Variants in CAPN2 observed in about 807,000 individuals in gnomAD.
The protein encoded by CAPN2 is calpain 2, also known as calpain-2 catalytic subunit.
Under a neutral mutation model 102.3 loss-of-function variants are expected in CAPN2, and 92 were observed. The observed-to-expected ratio is 0.90, with a 90% CI of 0.76 to 1.07. The LOEUF (loss-of-function observed/expected upper bound fraction) is 1.07. CAPN2 is among the 50% of genes least tolerant of loss of function. The pLI is 0.00. For missense variants in CAPN2, 800 were observed against 909.4 expected, an observed-to-expected ratio of 0.88 and a Z score of 1.55; for synonymous variants, 340 against 355.4, an observed-to-expected ratio of 0.96 and a Z score of 0.49.
chr1:223,726,158 C>T lies in CAPN2; in HGVS notation c.307+8327C>T, dbSNP rs2102781659. The stretch of plus-strand genomic sequence containing the variant: ...CCTCAGGAAGTCAGGAAAATAGATA[C>T]TGTCTTTGGGCTTCCTCCAGGAGCT... On this transcript the variant is annotated intron_variant, in intron 2 of 20. Transcript: ENST00000295006. This position sits in a 1 kb window ranked among gnomAD's most constrained non-coding sequence, Gnocchi z 4.4. 6.6e-6 allele frequency among the ~76,000 whole-genome samples: 1 copy of T among 152,304 alleles called. No individual in the cohort carries two copies. Among genetic ancestry groups the T allele is most frequent in the Middle Eastern group, 3.4e-3 (1 of 294 alleles).
In CAPN2 at chr1:223,731,904, C is replaced by T. The variant is rs768151970; in HGVS notation, c.308-12196C>T. ...TGAAACGTGTGTGTGAGTGTGTCAC[C>T]GGTAAGCTGAGTTCTTTCCCTACTT... is the stretch of plus-strand genomic sequence containing the variant. On this transcript the variant is annotated intron_variant, in intron 2 of 20. Coordinates refer to ENST00000295006, the MANE Select transcript of CAPN2 (RefSeq NM_001748.5). This position sits in a 1 kb window ranked among gnomAD's most constrained non-coding sequence, Gnocchi z 4.2. 6.6e-6 allele frequency among the ~76,000 whole-genome samples: 1 copy of T among 152,286 alleles called. No individual in the cohort carries two copies. The highest frequency in any genetic ancestry group is 6.5e-5 in the Admixed American group (1 of 15,302).
In CAPN2 at chr1:223,744,350, T is replaced by C. The variant is rs528824153; in HGVS notation, c.426+132T>C. The stretch of plus-strand genomic sequence containing the variant: ...GACCAATACTGTTCTACAAAGGACA[T>C]TGGGCGAGAGCAGGAAGCTTCCTGG... On this transcript the variant is annotated intron_variant, in intron 3 of 20. Transcript: ENST00000295006. The C allele has an allele frequency of 2.6e-5, 17 of 666,536 alleles. 1 individual carries two copies. The South Asian group carries it at 2.7e-4, about 10-fold the overall frequency. The allele number at this position is 666,536 out of a possible 1,614,324, so 41.3% of individuals were successfully genotyped here.
rs929038266 is a variant in CAPN2, at chr1:223,759,543, T to C, written c.1529+62T>C. The C allele has an allele frequency of 1.6e-5, 23 of 1,446,912 alleles. No homozygotes were observed. Among genetic ancestry groups the C allele is most frequent in the Non-Finnish European group, 2.1e-5 (22 of 1,038,782 alleles). 89.6% of individuals were successfully genotyped at this position (1,446,912 alleles called of 1,614,324 possible). On this transcript the variant is annotated intron_variant, in intron 12 of 20. Transcript: ENST00000295006. This position sits in a 1 kb window ranked among gnomAD's most constrained non-coding sequence, Gnocchi z 4.6. ...CTGTCCCTCCCCACTGGTCTGTTCC[T>C]CGGCCCCTAGAGGGCTCTTTCATCC...
Position 223,712,884 on chromosome 1 carries a change from A to G in CAPN2, c.237+7A>G, listed in dbSNP as rs1385121335. 18 of 1,514,094 alleles carry G rather than the reference A, an allele frequency of 1.2e-5. No individual in the cohort carries two copies. Among genetic ancestry groups the G allele is most frequent in the Non-Finnish European group, 1.5e-5 (17 of 1,131,568 alleles). 93.8% of individuals were successfully genotyped at this position (1,514,094 alleles called of 1,614,324 possible). ...CGAGTGGAAGCGCCCCACGGTAGGA[A>G]GCGCGCGGCAGGACGCGGGCAGGGC... On this transcript the variant is annotated splice_region_variant and intron_variant, in intron 1 of 20. Transcript: ENST00000295006.
At chr1:223,761,755 G>A in intron 13 of CAPN2, 138 bp downstream of exon 13, 1 of 702,800 alleles carries the variant, frequency 1.4e-6, no homozygotes, top group Non-Finnish European at 2.4e-6. Flanking sequence ...GGGAATCCAA[G>A]AGTCGACTAC....
chr1:223,738,332 A>T (rs1239016468), intron 2 of CAPN2, among the ~76,000 whole-genome samples: 1 of 151,902 alleles, frequency 6.6e-6, no homozygotes, highest in African/African-American at 2.4e-5. Flanking sequence ...CTAATTTTTT[A>T]AAAATAATTT....
intron 5 of CAPN2, 66 bp from the exon 6 acceptor site, chr1:223,748,973 G>GGAGC: frequency 6.9e-7 from 1 of 1,439,128 alleles, no homozygotes; most frequent in Non-Finnish European, 9.8e-7. Context: ...TAGGACAGAG[G>GGAGC]GAGCGAGGGA....
intron 16 of CAPN2, 28 bp downstream of exon 16, chr1:223,766,459 G>C (rs749916979): frequency 1.3e-5 from 20 of 1,508,396 alleles, no homozygotes; most frequent in South Asian, 2.3e-5. Flanking sequence ...CCAGGGAATA[G>C]AGACTGGGGG....
intron 11 of CAPN2, chr1:223,758,323 G>C (rs1021800133): frequency 2.0e-5 from 3 of 152,224 alleles, no homozygotes; most frequent in Non-Finnish European, 4.4e-5. Flanking sequence ...GACACACGGG[G>C]CACTTTGACC....
chr1:223,721,904 A>G (rs1414530005), intron 2 of CAPN2, among the ~76,000 whole-genome samples: 1 of 152,238 alleles, frequency 6.6e-6, no homozygotes. Context: ...TTGGCACACT[A>G]TAGAATCCCA....
chr1:223,770,426 C>G lies in CAPN2; in HGVS notation c.1825-21C>G, dbSNP rs372144852. On this transcript the variant is annotated intron_variant, in intron 17 of 20. Transcript: ENST00000295006. ...GCTTTGCTTTGGGTCATAGTTCTTACAGCTAACTTATGTGTTCCAGAAAAT... is the reference window on the plus strand; with the variant it reads ...GCTTTGCTTTGGGTCATAGTTCTTAGAGCTAACTTATGTGTTCCAGAAAAT... 1.1e-5 allele frequency: 18 copies of G among 1,588,314 alleles called. No homozygotes were observed. In the African/African-American group the frequency reaches 2.4e-4, roughly 21 times the overall value.
intron 20 of CAPN2, among the ~76,000 whole-genome samples, chr1:223,773,806 A>C (rs1661543870): frequency 1.3e-5 from 2 of 152,032 alleles, no homozygotes; most frequent in Admixed American, 1.3e-4. Flanking sequence ...CAGTGAACTG[A>C]GATGGTGCCA....
At position 223,763,203 on chromosome 1, in the gene CAPN2, C is replaced by CA. The variant is rs776250358; in HGVS notation, c.1633-932dup. Among the ~76,000 whole-genome samples the CA allele has an allele frequency of 9.3e-3, 1,233 of 133,196 alleles. 8 individuals carry two copies. Among genetic ancestry groups the CA allele is most frequent in the African/African-American group, 0.028 (1,015 of 36,526 alleles). The allele number at this position is 133,196 out of a possible 152,430, so 87.4% of individuals were successfully genotyped here. A position where few individuals can be genotyped will look rare whatever the true frequency, so the allele number is the denominator to read the frequency against. On this transcript the variant is annotated intron_variant, in intron 14 of 20. Transcript: ENST00000295006. ...TAGCCCTCTTTCTTCCCAACAACTC[C>CA]AAAAAAAAAAAAAAAGTCCTCTTTC... is the stretch of plus-strand genomic sequence containing the variant.
rs1276424694 is a variant in CAPN2, at chr1:223,775,130, A to G, written c.*273A>G. 2.3e-6 allele frequency: 1 copy of G among 427,418 alleles called. No homozygotes were observed. Among genetic ancestry groups the G allele is most frequent in the South Asian group, 4.2e-5 (1 of 23,532 alleles). 26.5% of individuals were successfully genotyped at this position (427,418 alleles called of 1,614,324 possible). ...AGCTTTAAATCTGTAAATAGTATAC[A>G]CTTTTTACTTTTACACACTTTCCTG... On this transcript the variant is annotated 3_prime_UTR_variant, in exon 21 of 21. Coordinates refer to ENST00000295006, the MANE Select transcript of CAPN2 (RefSeq NM_001748.5).
At chr1:223,761,753 A>C in intron 13 of CAPN2, 136 bp downstream of exon 13, 1 of 708,804 alleles carries the variant, frequency 1.4e-6, no homozygotes, top group Non-Finnish European at 2.4e-6. Context: ...CTGGGAATCC[A>C]AGAGTCGACT....
At chr1:223,751,405 C>T (rs1411179890) in intron 7 of CAPN2, among the ~76,000 whole-genome samples, 2 of 152,220 alleles carry the variant, frequency 1.3e-5, no homozygotes, top group African/African-American at 4.8e-5. Context: ...GAACCCTCAA[C>T]TATTTGGGGT....
At chr1:223,769,819 G>A (rs1661425621) in intron 16 of CAPN2, 22 bp from the exon 17 acceptor site, 4 of 1,596,928 alleles carry the variant, frequency 2.5e-6, no homozygotes, top group African/African-American at 1.3e-5. Context: ...CACACTCAAG[G>A]GCTTTCCTTG....
Position 223,771,917 on chromosome 1 carries a change from C to G in CAPN2, c.2012C>G (p.Thr671Arg). ...GTTCGGTGTTTGGTTCGGCTGGAAA[C>G]GCTATTCAGTAAGTGGATATTTGGG... ...NFVRCLVRLE[T>R]LFKIFKQLDP... The change falls in exon 19 of 21, where the codon ACG (threonine) becomes AGG (arginine). Residue 671 changes from threonine (T) to arginine (R), a missense_variant. Physicochemically the swap from Thr to Arg is moderately conservative, Grantham distance 71. Transcript: ENST00000295006. The G allele has an allele frequency of 1.2e-6, 2 of 1,607,486 alleles. No individual in the cohort carries two copies. The highest frequency in any genetic ancestry group is 1.7e-4 in the Middle Eastern group (1 of 6,052).
intron 7 of CAPN2, 81 bp from the exon 8 acceptor site, chr1:223,751,916 G>C (rs1188146262): frequency 1.1e-6 from 1 of 893,726 alleles, no homozygotes; most frequent in Non-Finnish European, 1.8e-6. Context: ...GGTGAGAGCA[G>C]ATGTCCCTCT....
Sources: allele counts gnomAD v4.1 joint callset (sites outside exome capture counted in the v4.1 genomes callset), GRCh38; gene constraint gnomAD v4.1.1; non-coding constraint Gnocchi (gnomAD v3.1); transcripts MANE v1.5; gene names NCBI Gene and HGNC (gene_info 2026-07-23, HGNC 2026-07-21).